KCNAB1: variants seen among roughly 807,000 people sequenced by gnomAD.
The protein encoded by KCNAB1 is potassium voltage-gated channel subfamily A regulatory beta subunit 1, also known as voltage-gated potassium channel subunit beta-1.
KCNAB1 carries 35 observed loss-of-function variants against 64.6 expected under a neutral mutation model. That is an observed-to-expected ratio of 0.54 (90% CI 0.41 to 0.72). The LOEUF (loss-of-function observed/expected upper bound fraction) is 0.72. KCNAB1 is among the 30% of genes least tolerant of loss of function. The pLI, the probability that KCNAB1 is intolerant of heterozygous loss-of-function variation, is 0.00. For missense variants in KCNAB1, 401 were observed against 512.9 expected, an observed-to-expected ratio of 0.78 and a Z score of 2.11; for synonymous variants, 177 against 183.8, an observed-to-expected ratio of 0.96 and a Z score of 0.30.
chr3:156,327,697 A>G (rs1445846566), intron 1 of KCNAB1, among the ~76,000 whole-genome samples: 1 of 152,178 alleles, frequency 6.6e-6, no homozygotes, highest in Non-Finnish European at 1.5e-5. Flanking sequence ...GAAATATCCC[A>G]GGCACAGAGT....
chr3:156,328,424 C>T (rs904192812), intron 1 of KCNAB1, among the ~76,000 whole-genome samples: 2 of 152,124 alleles, frequency 1.3e-5, no homozygotes, highest in Admixed American at 6.6e-5. Flanking sequence ...ATTAACACCT[C>T]CAAATCCACT....
chr3:156,130,342 A>C (rs1713923343), intron 1 of KCNAB1, among the ~76,000 whole-genome samples: 1 of 152,170 alleles, frequency 6.6e-6, no homozygotes, highest in East Asian at 1.9e-4. Flanking sequence ...TCATTCCTTG[A>C]CCTTGAACAA....
chr3:156,459,752 G>C (rs1433174133), intron 4 of KCNAB1, 75 bp from the exon 5 acceptor site: 43 of 1,086,632 alleles, frequency 4.0e-5, no homozygotes, highest in South Asian at 1.4e-5. Context: ...AACAAGGAAT[G>C]GTTCTTGTGT....
chr3:156,381,796 G>T (rs1417574130), intron 1 of KCNAB1, among the ~76,000 whole-genome samples: 1 of 152,154 alleles, frequency 6.6e-6, no homozygotes, highest in East Asian at 1.9e-4. Context: ...CCCTGGAAAA[G>T]ATGAGACCTG....
At chr3:156,256,074 GA>G (rs2108471642) in intron 1 of KCNAB1, among the ~76,000 whole-genome samples, 1 of 152,192 alleles carries the variant, frequency 6.6e-6, no homozygotes, top group African/African-American at 2.4e-5. Context: ...GAAAAAGGCA[GA>G]AAAAAAGCAG....
At chr3:156,400,956 C>G (rs911581296) in intron 1 of KCNAB1, among the ~76,000 whole-genome samples, 1 of 152,202 alleles carries the variant, frequency 6.6e-6, no homozygotes, top group Non-Finnish European at 1.5e-5. Context: ...CCCTTAGAAC[C>G]AGACACAGTG....
chr3:156,143,567 T>G (rs1211060241), intron 1 of KCNAB1: 1 of 280,346 alleles, frequency 3.6e-6, no homozygotes, highest in African/African-American at 4.0e-5. Context: ...GGTTGCATTC[T>G]TGTTTTTTTT....
chr3:156,274,158 T>A (rs1340705285), intron 1 of KCNAB1, among the ~76,000 whole-genome samples: 1 of 152,182 alleles, frequency 6.6e-6, no homozygotes, highest in Non-Finnish European at 1.5e-5. Context: ...ATGGGGTAAC[T>A]GATACATACC....
At chr3:156,239,615 G>A (rs541789720) in intron 1 of KCNAB1, among the ~76,000 whole-genome samples, 2 of 152,274 alleles carry the variant, frequency 1.3e-5, no homozygotes, top group South Asian at 4.1e-4. Context: ...CCAACCAGTA[G>A]CACCTGCAGT....
intron 1 of KCNAB1, among the ~76,000 whole-genome samples, chr3:156,383,088 G>GA (rs1288142909): frequency 6.6e-6 from 1 of 152,220 alleles, no homozygotes; most frequent in Non-Finnish European, 1.5e-5. Context: ...CATCCGATGG[G>GA]AAAAGCCCTT....
intron 1 of KCNAB1, among the ~76,000 whole-genome samples, chr3:156,410,952 G>T (rs1459058562): frequency 6.6e-6 from 1 of 152,090 alleles, no homozygotes; most frequent in African/African-American, 2.4e-5. Flanking sequence ...ATTCACTTTG[G>T]TAAATACTTA....
At chr3:156,514,531 T>C in intron 9 of KCNAB1, 82 bp downstream of exon 9, 2 of 1,024,210 alleles carry the variant, frequency 2.0e-6, no homozygotes, top group Non-Finnish European at 3.1e-6. Context: ...GCAAGATCTT[T>C]TGCAAACTTT....
chr3:156,222,855 T>C (rs888175394), intron 1 of KCNAB1, among the ~76,000 whole-genome samples: 7 of 152,144 alleles, frequency 4.6e-5, no homozygotes, highest in Non-Finnish European at 5.9e-5. Flanking sequence ...GAAATCAAGA[T>C]GGGAATTAAA....
intron 1 of KCNAB1, among the ~76,000 whole-genome samples, chr3:156,229,839 C>G (rs1716412738): frequency 6.6e-6 from 1 of 151,994 alleles, no homozygotes; most frequent in African/African-American, 2.4e-5. Flanking sequence ...ATTGCCAACC[C>G]TGCAATTATA....
At chr3:156,139,584 G>GTTTTTTTTTTTTTTTTTTTTTT (rs386398329) in intron 1 of KCNAB1, among the ~76,000 whole-genome samples, 2 of 55,248 alleles carry the variant, frequency 3.6e-5, no homozygotes, top group African/African-American at 7.6e-5. Flanking sequence ...ATTGTACTGT[G>GTTTTTTTTTTTTTTTTTTTTTT]TTTTTTTTTT....
At chr3:156,176,113 T>G in intron 1 of KCNAB1, 1 of 768,340 alleles carries the variant, frequency 1.3e-6, no homozygotes, top group Non-Finnish European at 2.4e-6. Context: ...ACACCTCTCT[T>G]TGGGGGCAAA....
At chr3:156,376,433 C>T (rs1230280483) in intron 1 of KCNAB1, among the ~76,000 whole-genome samples, 1 of 152,034 alleles carries the variant, frequency 6.6e-6, no homozygotes, top group African/African-American at 2.4e-5. Flanking sequence ...AGTTCAAAGA[C>T]TGAAGAGGAC....
chr3:156,175,864 C>A, intron 1 of KCNAB1: 7 of 714,738 alleles, frequency 9.8e-6, no homozygotes, highest in Non-Finnish European at 1.8e-5. Flanking sequence ...CATTCCATAT[C>A]CCAACAGTCT....
At chr3:156,379,088 C>T (rs1037672074) in intron 1 of KCNAB1, among the ~76,000 whole-genome samples, 4 of 152,230 alleles carry the variant, frequency 2.6e-5, no homozygotes, top group Non-Finnish European at 5.9e-5. Context: ...GCTGATTCAT[C>T]TGTTTTAATC....
Sources: gnomAD v4.1 joint callset for allele counts (sites outside exome capture counted in the v4.1 genomes callset) on GRCh38, gnomAD v4.1.1 for gene constraint, MANE v1.5 for transcripts, NCBI Gene and HGNC (gene_info 2026-07-23, HGNC 2026-07-21) for gene names.